FHIT: variants seen among roughly 807,000 people sequenced by gnomAD.
FHIT encodes fragile histidine triad diadenosine triphosphatase, also known as bis(5'-adenosyl)-triphosphatase.
In FHIT, 19 loss-of-function variants were observed where a neutral mutation model predicts 17.9. The ratio of observed to expected loss-of-function variants is 1.06; its 90% confidence interval spans 0.74 to 1.56. FHIT has a LOEUF of 1.56. Among genes scored for constraint, FHIT ranks in the 40% most tolerant of loss-of-function variants. The pLI is 0.00. For missense variants in FHIT, 248 were observed against 189.2 expected, an observed-to-expected ratio of 1.31 and a Z score of -1.82; for synonymous variants, 81 against 69.7, an observed-to-expected ratio of 1.16 and a Z score of -0.81.
chr3:60,543,575 G>C (rs995762413), intron 4 of FHIT, among the ~76,000 whole-genome samples: 1 of 152,084 alleles, frequency 6.6e-6, no homozygotes, highest in Non-Finnish European at 1.5e-5. Context: ...TTCCTAGATA[G>C]CTTTTAGTTT....
chr3:60,105,738 TA>T (rs1704379434), intron 5 of FHIT, among the ~76,000 whole-genome samples: 1 of 143,962 alleles, frequency 6.9e-6, no homozygotes, highest in South Asian at 2.5e-4. Flanking sequence ...ACTCCAAATT[TA>T]TAAAAAGTGT....
In FHIT at chr3:60,626,071, A is replaced by C. The variant is rs538761948; in HGVS notation, c.-17-89092T>G. 5.3e-5 allele frequency among the ~76,000 whole-genome samples: 8 copies of C among 152,294 alleles called. 1 individual carries two copies. The South Asian group carries it at 1.7e-3, about 32-fold the overall frequency. ...AATGTGAGTTTATTTCTGGAATCTC[A>C]GTTCTATGCCATTGATCTTTATTGT... On this transcript the variant is annotated intron_variant, in intron 4 of 9. Transcript: ENST00000492590.
intron 7 of FHIT, among the ~76,000 whole-genome samples, chr3:59,987,061 TATCTA>T (rs372850040): frequency 0.34 from 44,822 of 132,956 alleles, 8,814 homozygotes; most frequent in East Asian, 0.5. Context: ...ATATAAAATA[TATCTA>T]TATATATCTA....
chr3:59,808,364 A>G (rs1205041311), intron 8 of FHIT, among the ~76,000 whole-genome samples: 1 of 152,136 alleles, frequency 6.6e-6, no homozygotes, highest in Admixed American at 6.5e-5. Context: ...TGGGCTTGAA[A>G]GGCTGGCTCT....
chr3:60,391,874 G>T (rs1187001159), intron 5 of FHIT, among the ~76,000 whole-genome samples: 2 of 151,848 alleles, frequency 1.3e-5, no homozygotes, highest in Non-Finnish European at 2.9e-5. Context: ...ATTAAAATGT[G>T]TCTTGAGCCA....
intron 5 of FHIT, among the ~76,000 whole-genome samples, chr3:60,083,199 A>T (rs773986520): frequency 6.6e-5 from 10 of 152,128 alleles, no homozygotes; most frequent in Non-Finnish European, 1.2e-4. Flanking sequence ...CAGCTATCCC[A>T]GCAATAACAA....
intron 3 of FHIT, among the ~76,000 whole-genome samples, chr3:61,010,312 C>T (rs1343394952): frequency 1.3e-5 from 2 of 152,094 alleles, no homozygotes; most frequent in Non-Finnish European, 2.9e-5. Flanking sequence ...CAATATTAGC[C>T]CATTAGTCCA....
chr3:60,110,187 A>C (rs922811107), intron 5 of FHIT, among the ~76,000 whole-genome samples: 1 of 152,180 alleles, frequency 6.6e-6, no homozygotes, highest in Non-Finnish European at 1.5e-5. Context: ...TGATAATAAA[A>C]GTTTGCCTCC....
At chr3:60,352,418 C>A (rs932217772) in intron 5 of FHIT, among the ~76,000 whole-genome samples, 1 of 152,128 alleles carries the variant, frequency 6.6e-6, no homozygotes, top group Non-Finnish European at 1.5e-5. Flanking sequence ...ATGTCAAATT[C>A]TTTCATATCT....
intron 5 of FHIT, among the ~76,000 whole-genome samples, chr3:60,219,666 C>T (rs1423874400): frequency 6.6e-6 from 1 of 152,094 alleles, no homozygotes; most frequent in Non-Finnish European, 1.5e-5. Context: ...ACTTCCCTGT[C>T]CCCCTTCATT....
chr3:60,061,389 G>A (rs1308173321), intron 5 of FHIT, among the ~76,000 whole-genome samples: 1 of 152,172 alleles, frequency 6.6e-6, no homozygotes, highest in East Asian at 1.9e-4. Flanking sequence ...TCTGGTTTGC[G>A]TCTTACTGCT....
intron 2 of FHIT, among the ~76,000 whole-genome samples, chr3:61,168,449 G>A (rs1457888959): frequency 6.6e-6 from 1 of 152,156 alleles, no homozygotes; most frequent in Non-Finnish European, 1.5e-5. Context: ...TTAACCTAAT[G>A]GCAGTTGCCT....
chr3:60,033,617 T>C (rs1408395484), intron 5 of FHIT, among the ~76,000 whole-genome samples: 2 of 151,876 alleles, frequency 1.3e-5, no homozygotes, highest in East Asian at 3.9e-4. Flanking sequence ...GCTAAGAAAA[T>C]ACTTCTAGCA....
intron 8 of FHIT, among the ~76,000 whole-genome samples, chr3:59,835,479 CT>C (rs1381960918): frequency 2.0e-5 from 3 of 152,114 alleles, no homozygotes; most frequent in African/African-American, 7.2e-5. Context: ...GGCCTTTATG[CT>C]GAAGCTACAA....
chr3:60,572,018 C>A (rs997409442), intron 4 of FHIT, among the ~76,000 whole-genome samples: 1 of 150,722 alleles, frequency 6.6e-6, no homozygotes, highest in Non-Finnish European at 1.5e-5. Flanking sequence ...CCAAGGTTTT[C>A]TTTCTTTCTT....
chr3:60,370,742 T>A (rs78172506), intron 5 of FHIT, among the ~76,000 whole-genome samples: 4,106 of 152,294 alleles, frequency 0.027, 96 homozygotes, highest in Middle Eastern at 0.061. Context: ...TGCAATTTTT[T>A]AAAAATCACT....
At chr3:61,208,027 T>G (rs1247326153) in intron 1 of FHIT, among the ~76,000 whole-genome samples, 1 of 152,194 alleles carries the variant, frequency 6.6e-6, no homozygotes, top group Non-Finnish European at 1.5e-5. Flanking sequence ...TTTGTTCTCG[T>G]TGGTTTCAAA....
intron 3 of FHIT, among the ~76,000 whole-genome samples, chr3:61,032,103 G>T (rs969745282): frequency 5.3e-5 from 8 of 152,180 alleles, no homozygotes; most frequent in African/African-American, 1.9e-4. Flanking sequence ...TCCAGAACTG[G>T]AGCTGCTTTG....
intron 4 of FHIT, among the ~76,000 whole-genome samples, chr3:60,738,111 C>T (rs147269777): frequency 5.3e-5 from 8 of 152,054 alleles, no homozygotes; most frequent in East Asian, 1.9e-4. Flanking sequence ...GGAATCCGAC[C>T]GGGAGAGGAA....
Sources: gnomAD v4.1 joint callset for allele counts (sites outside exome capture counted in the v4.1 genomes callset) on GRCh38, gnomAD v4.1.1 for gene constraint, MANE v1.5 for transcripts, NCBI Gene and HGNC (gene_info 2026-07-23, HGNC 2026-07-21) for gene names.